ADAMTS2: variants seen among roughly 807,000 people sequenced by gnomAD.
ADAMTS2 encodes A disintegrin and metalloproteinase with thrombospondin motifs 2.
A neutral mutation model predicts 123.0 loss-of-function variants in ADAMTS2; 50 were observed. That is an observed-to-expected ratio of 0.41 (90% CI 0.32 to 0.51). ADAMTS2 has a LOEUF of 0.51. ADAMTS2 is among the 20% of genes least tolerant of loss of function. The probability of loss-of-function intolerance (pLI) is 0.35; values close to 1 mark genes in which losing one functional copy is unlikely to be tolerated. For missense variants in ADAMTS2, 1,494 were observed against 1,705.2 expected (o/e 0.88, Z 2.18); for synonymous variants, 678 against 695.4 (o/e 0.98, Z 0.39).
chr5:179,271,532 G>T (rs779641597), intron 3 of ADAMTS2, among the ~76,000 whole-genome samples: 11 of 152,118 alleles, frequency 7.2e-5, no homozygotes, highest in Non-Finnish European at 1.6e-4. Flanking sequence ...CCCCTTCCAC[G>T]CTGGCCCTCC....
intron 4 of ADAMTS2, among the ~76,000 whole-genome samples, chr5:179,199,066 G>C (rs1217731833): frequency 1.3e-5 from 2 of 152,200 alleles, no homozygotes; most frequent in Non-Finnish European, 2.9e-5. Flanking sequence ...TGTTCCCTCA[G>C]GCTATGGGGT....
intron 2 of ADAMTS2, among the ~76,000 whole-genome samples, chr5:179,300,542 CT>C (rs992323893): frequency 2.1e-4 from 32 of 152,306 alleles, no homozygotes; most frequent in African/African-American, 7.2e-4. Context: ...CTTTGCAACA[CT>C]TTTTGGCTGG....
chr5:179,188,138 C>G lies in ADAMTS2; in HGVS notation c.892-6983G>C, dbSNP rs1484345307. ...CAGGGGCCCTGGAACAGCAGCCACC[C>G]CAACCTTCAGGAAAGTTCCCATGTC... On this transcript the variant is annotated intron_variant, in intron 4 of 21. Coordinates refer to ENST00000251582, the MANE Select transcript of ADAMTS2 (RefSeq NM_014244.5). The surrounding 1 kb of genome is among the most constrained non-coding windows in gnomAD (Gnocchi z 5.1). Among the ~76,000 whole-genome samples the G allele has an allele frequency of 6.6e-6, 1 of 152,216 alleles. No individual in the cohort carries two copies. The highest frequency in any genetic ancestry group is 1.5e-5 in the Non-Finnish European group (1 of 68,032).
At chr5:179,269,115 C>G (rs139625416) in intron 3 of ADAMTS2, among the ~76,000 whole-genome samples, 2 of 152,106 alleles carry the variant, frequency 1.3e-5, no homozygotes, top group Non-Finnish European at 2.9e-5. Context: ...CGACATGACC[C>G]GGGGGCAGAG....
At chr5:179,208,146 C>CTTG (rs1561806088) in intron 3 of ADAMTS2, among the ~76,000 whole-genome samples, 6 of 151,186 alleles carry the variant, frequency 4.0e-5, no homozygotes, top group East Asian at 1.9e-4. Flanking sequence ...CAGAGCCACC[C>CTTG]CTTGCCCACA....
intron 3 of ADAMTS2, among the ~76,000 whole-genome samples, chr5:179,255,161 C>T (rs960251378): frequency 4.6e-5 from 7 of 151,526 alleles, no homozygotes; most frequent in African/African-American, 1.7e-4. Flanking sequence ...AATGAATACA[C>T]GATGGATGAA....
At chr5:179,208,931 C>G (rs968663971) in intron 3 of ADAMTS2, among the ~76,000 whole-genome samples, 6 of 152,198 alleles carry the variant, frequency 3.9e-5, no homozygotes, top group Admixed American at 1.3e-4. Context: ...GCCCCTGCAG[C>G]TGAGGGAGAC....
Position 179,170,216 on chromosome 5 carries a change from T to C in ADAMTS2, c.975+10856A>G, listed in dbSNP as rs551244871. On this transcript the variant is annotated intron_variant, in intron 5 of 21. Transcript: ENST00000251582. This position sits in a 1 kb window ranked among gnomAD's most constrained non-coding sequence, Gnocchi z 4.3. The stretch of plus-strand genomic sequence containing the variant: ...ACAAACATGTCACTCAAACAAGTGC[T>C]ACCAATTTTATCCCCACTGGAGCCT... Among the ~76,000 whole-genome samples the C allele has an allele frequency of 6.6e-6, 1 of 152,344 alleles. No individual in the cohort carries two copies. Among genetic ancestry groups the C allele is most frequent in the East Asian group, 1.9e-4 (1 of 5,180 alleles).
intron 4 of ADAMTS2, among the ~76,000 whole-genome samples, chr5:179,195,727 C>T (rs1041570156): frequency 5.3e-5 from 8 of 152,208 alleles, no homozygotes; most frequent in Non-Finnish European, 1.2e-4. Context: ...CGTGCAGCCT[C>T]GCACACACCA....
At chr5:179,217,861 GAT>G (rs1430524656) in intron 3 of ADAMTS2, among the ~76,000 whole-genome samples, 1 of 65,730 alleles carries the variant, frequency 1.5e-5, no homozygotes, top group East Asian at 2.9e-4. Context: ...CTAGGTAGGG[GAT>G]GGCCTGAGGG....
At position 179,132,378 on chromosome 5, in the gene ADAMTS2, A is replaced by G. The variant is rs1762980213; in HGVS notation, c.2210-68T>C. ...GCGCCGCTCAAATTCGCACCATGCA[A>G]GGAGGGGCCTCGCTCTTGAAGGCAG... is the stretch of plus-strand genomic sequence containing the variant. On this transcript the variant is annotated intron_variant, in intron 14 of 21. Transcript: ENST00000251582. This position sits in a 1 kb window ranked among gnomAD's most constrained non-coding sequence, Gnocchi z 6.1. 12 of 1,472,414 alleles carry G rather than the reference A, an allele frequency of 8.1e-6. No individual in the cohort carries two copies. In the Admixed American group the frequency reaches 2.1e-4, roughly 25 times the overall value. 91.2% of individuals were successfully genotyped at this position (1,472,414 alleles called of 1,614,324 possible).
rs1480427644 is a variant in ADAMTS2, at chr5:179,130,042, C to A, written c.2347G>T (p.Ala783Ser). ...ATGGCAATGAAGGTTTTGGAACTGG[C>A]ATCCACGTCATTCTCTTCATTTAAG... ...FILNEENDVDASSKTFIAMGV... is the reference protein window; with the variant it reads ...FILNEENDVDSSSKTFIAMGV... The change falls in exon 16 of 22, where the codon GCC becomes TCC. Residue 783 changes from alanine (A) to serine (S), a missense_variant. Ala to Ser is a moderately conservative substitution (Grantham distance 99, BLOSUM62 1). Around this residue, in one of 6 missense-constraint regions of ADAMTS2, gnomAD observed 953 missense variants for 1,124.7 expected, o/e 0.85. Transcript: ENST00000251582. This position sits in a 1 kb window ranked among gnomAD's most constrained non-coding sequence, Gnocchi z 4.3. 2 of 1,614,176 alleles carry A rather than the reference C, an allele frequency of 1.2e-6. No homozygotes were observed. Among genetic ancestry groups the A allele is most frequent in the Non-Finnish European group, 1.7e-6 (2 of 1,180,048 alleles).
chr5:179,253,636 A>C (rs1581222118), intron 3 of ADAMTS2, among the ~76,000 whole-genome samples: 4 of 144,758 alleles, frequency 2.8e-5, no homozygotes, highest in Admixed American at 6.9e-5. Flanking sequence ...ACAAAGTGAG[A>C]CTCCATCTCA....
chr5:179,241,833 T>TA (rs1765677420), intron 3 of ADAMTS2, among the ~76,000 whole-genome samples: 1 of 152,226 alleles, frequency 6.6e-6, no homozygotes, highest in Non-Finnish European at 1.5e-5. Flanking sequence ...TACCTATCTC[T>TA]ACGCATTTTT....
At chr5:179,325,911 C>G (rs1262936511) in intron 2 of ADAMTS2, among the ~76,000 whole-genome samples, 1 of 152,214 alleles carries the variant, frequency 6.6e-6, no homozygotes, top group Non-Finnish European at 1.5e-5. Context: ...AGGACAGGAG[C>G]GAGGCCAGCC....
At chr5:179,289,676 G>A (rs115384477) in intron 2 of ADAMTS2, among the ~76,000 whole-genome samples, 2,217 of 152,238 alleles carry the variant, frequency 0.015, 53 homozygotes, top group African/African-American at 0.048. Flanking sequence ...TAGAGCTCCC[G>A]GGGCATCCAG....
At chr5:179,227,516 T>C (rs1035455722) in intron 3 of ADAMTS2, among the ~76,000 whole-genome samples, 63 of 152,102 alleles carry the variant, frequency 4.1e-4, no homozygotes, top group African/African-American at 1.4e-3. Context: ...CAGTATCTGG[T>C]GGGCTGCAGG....
In ADAMTS2 at chr5:179,181,398, C is replaced by G. The variant is rs1437402935; in HGVS notation, c.892-243G>C. ...TCCTGAGCAACCCCACCCACCAGCC[C>G]AGGGTTTCCTCACCTGGGGCCTGAA... is the stretch of plus-strand genomic sequence containing the variant. On this transcript the variant is annotated intron_variant, in intron 4 of 21. Transcript: ENST00000251582. This position sits in a 1 kb window ranked among gnomAD's most constrained non-coding sequence, Gnocchi z 4.1. 6.6e-6 allele frequency among the ~76,000 whole-genome samples: 1 copy of G among 152,122 alleles called. No homozygotes were observed. The highest frequency in any genetic ancestry group is 1.5e-5 in the Non-Finnish European group (1 of 68,012).
At chr5:179,164,640 C>G (rs147355670) in intron 5 of ADAMTS2, among the ~76,000 whole-genome samples, 23 of 152,230 alleles carry the variant, frequency 1.5e-4, no homozygotes, top group African/African-American at 5.3e-4. Flanking sequence ...CCAGCTTGCT[C>G]GTTGGGAAGA....
Sources: gnomAD v4.1 joint callset for allele counts (sites outside exome capture counted in the v4.1 genomes callset) on GRCh38, gnomAD v4.1.1 for gene constraint, gnomAD v4.1.1 regional missense constraint, Gnocchi (gnomAD v3.1) non-coding constraint, MANE v1.5 for transcripts, NCBI Gene and HGNC (gene_info 2026-07-23, HGNC 2026-07-21) for gene names.